The following ANKRD30B variants were observed in gnomAD, a reference collection of about 807,000 sequenced individuals.
ANKRD30B encodes ankyrin repeat domain 30B.
A neutral mutation model predicts 202.2 loss-of-function variants in ANKRD30B; 144 were observed. The ratio of observed to expected loss-of-function variants is 0.71; its 90% confidence interval spans 0.62 to 0.82. The LOEUF (loss-of-function observed/expected upper bound fraction) is 0.82, where lower values mean the gene tolerates loss of function less well. Ranked by LOEUF, ANKRD30B falls within the 40% of genes least tolerant of loss-of-function variation. The pLI, the probability that ANKRD30B is intolerant of heterozygous loss-of-function variation, is 0.00. For synonymous variants in ANKRD30B, 508 were observed against 561.3 expected, an observed-to-expected ratio of 0.91 and a Z score of 1.34; for missense variants, 1,487 against 1,669.1, an observed-to-expected ratio of 0.89 and a Z score of 1.90.
At chr18:14,841,989 G>A (rs1971437680) in intron 37 of ANKRD30B, among the ~76,000 whole-genome samples, 1 of 151,998 alleles carries the variant, frequency 6.6e-6, no homozygotes, top group African/African-American at 2.4e-5. Context: ...AATTGTTTTG[G>A]TAAAATTGTT....
intron 26 of ANKRD30B, among the ~76,000 whole-genome samples, 185 bp downstream of exon 26, chr18:14,808,929 A>T (rs1969732557): frequency 6.6e-6 from 1 of 150,710 alleles, no homozygotes; most frequent in African/African-American, 2.5e-5. Context: ...ATTTAGAGAT[A>T]AAAAAAATTC....
chr18:14,766,491 A>AG (rs1194673934), intron 7 of ANKRD30B, among the ~76,000 whole-genome samples: 22 of 148,406 alleles, frequency 1.5e-4, no homozygotes, highest in African/African-American at 3.7e-4. Context: ...AAAAAAAAAA[A>AG]AAAAAAGAAA....
chr18:14,776,859 T>TA (rs1967387296), intron 9 of ANKRD30B, among the ~76,000 whole-genome samples: 1 of 152,224 alleles, frequency 6.6e-6, no homozygotes. Flanking sequence ...CAAAAACTTG[T>TA]AAAAATCATT....
At chr18:14,855,677 G>C (rs1461844013), downstream of ANKRD30B, among the ~76,000 whole-genome samples, 7 of 148,066 alleles carry the variant, frequency 4.7e-5, no homozygotes, top group Admixed American at 4.0e-4. Context: ...ATGGGCGGCC[G>C]GGCAGAGGCA....
At chr18:14,826,496 C>G (rs1970663222) in intron 32 of ANKRD30B, among the ~76,000 whole-genome samples, 1 of 152,034 alleles carries the variant, frequency 6.6e-6, no homozygotes. Context: ...TAACTTTTTG[C>G]AACTAAAGCA....
At chr18:14,804,758 T>A (rs1245407789) in intron 24 of ANKRD30B, among the ~76,000 whole-genome samples, 1 of 150,946 alleles carries the variant, frequency 6.6e-6, no homozygotes, top group Non-Finnish European at 1.5e-5. Context: ...ATACTACTTC[T>A]ATACAAAGAA....
intron 32 of ANKRD30B, among the ~76,000 whole-genome samples, chr18:14,824,813 T>C (rs1970595733): frequency 6.6e-6 from 1 of 152,214 alleles, no homozygotes. Flanking sequence ...TGATGTGGTC[T>C]CTATCACAGC....
intron 34 of ANKRD30B, 29 bp from the exon 35 acceptor site, chr18:14,837,182 G>C: frequency 6.9e-7 from 1 of 1,441,000 alleles, no homozygotes; most frequent in East Asian, 2.5e-5. Context: ...TTTTTTTTGT[G>C]TTTGCTTTCT....
the ANKRD30B span, among the ~76,000 whole-genome samples, chr18:14,933,930 G>A: frequency 6.6e-6 from 1 of 152,154 alleles, no homozygotes; most frequent in African/African-American, 2.4e-5. Context: ...CAGACTCCAG[G>A]CTCTTTTCTA....
intron 39 of ANKRD30B, among the ~76,000 whole-genome samples, chr18:14,846,128 T>A (rs1387638692): frequency 1.3e-5 from 2 of 152,030 alleles, no homozygotes; most frequent in Non-Finnish European, 2.9e-5. Flanking sequence ...GAGAGTCTTC[T>A]AATGTAGACA....
At position 14,810,629 on chromosome 18, in the gene ANKRD30B, A is replaced by AGTGT. The variant is rs376271746; in HGVS notation, c.2488+463_2488+466dup. ...TCTTGTTTTTCTGATTAGGTGACTG[A>AGTGT]GTGTGTGTGTGTGTGTGACATATAA... On this transcript the variant is annotated intron_variant, in intron 28 of 43. Transcript: ENST00000690538. Among the ~76,000 whole-genome samples, 59 of 149,766 alleles carry AGTGT rather than the reference A, an allele frequency of 3.9e-4. 2 individuals carry two copies. Among genetic ancestry groups the AGTGT allele is most frequent in the African/African-American group, 1.4e-3 (58 of 40,490 alleles).
intron 7 of ANKRD30B, among the ~76,000 whole-genome samples, chr18:14,766,516 A>AAGAAAAGAAAAGAAAAGAAC (rs1916246923): frequency 6.6e-6 from 1 of 150,854 alleles, no homozygotes; most frequent in Admixed American, 6.6e-5. Context: ...AAGAAAAGAA[A>AAGAAAAGAAAAGAAAAGAAC]AGAAAATTGT....
At chr18:14,901,483 A>G in the ANKRD30B span, among the ~76,000 whole-genome samples, 1 of 152,024 alleles carries the variant, frequency 6.6e-6, no homozygotes, top group Non-Finnish European at 1.5e-5. Flanking sequence ...GACCAAAACA[A>G]TTTTTGTAAC....
the ANKRD30B span, among the ~76,000 whole-genome samples, chr18:14,870,966 C>T: frequency 3.3e-5 from 5 of 150,416 alleles, no homozygotes; most frequent in Non-Finnish European, 5.9e-5. Flanking sequence ...AACAGGCACT[C>T]ACACCCTAAC....
the ANKRD30B span, among the ~76,000 whole-genome samples, chr18:14,880,651 T>C: frequency 6.6e-6 from 1 of 150,578 alleles, no homozygotes; most frequent in Admixed American, 6.6e-5. Context: ...CTACAACTTC[T>C]GCCTACTGGG....
chr18:14,921,947 A>G, the ANKRD30B span, among the ~76,000 whole-genome samples: 2 of 152,356 alleles, frequency 1.3e-5, no homozygotes, highest in African/African-American at 4.8e-5. Context: ...ACCAAATTTA[A>G]CAACTATCTA....
chr18:14,834,483 G>A (rs1373924150), intron 34 of ANKRD30B, among the ~76,000 whole-genome samples: 1 of 151,916 alleles, frequency 6.6e-6, no homozygotes, highest in Admixed American at 6.5e-5. Flanking sequence ...ATGAGAGCAG[G>A]AACTCTCTAG....
chr18:14,752,684 A>G lies in ANKRD30B; in HGVS notation c.336+4A>G. The G allele has an allele frequency of 6.3e-7, 1 of 1,593,606 alleles. No individual in the cohort carries two copies. The highest frequency in any genetic ancestry group is 8.6e-7 in the Non-Finnish European group (1 of 1,167,990). On this transcript the variant is annotated splice_donor_region_variant and intron_variant, in intron 2 of 43. Transcript: ENST00000690538. Reference sequence around the variant, plus strand: ...AGGGAGGACACCTCTGATGAAGGTAAATAGTAGCCAGTTTTTTCAGCGGGA... The same window carrying G: ...AGGGAGGACACCTCTGATGAAGGTAGATAGTAGCCAGTTTTTTCAGCGGGA...
chr18:14,914,718 T>A, the ANKRD30B span, among the ~76,000 whole-genome samples: 1 of 152,310 alleles, frequency 6.6e-6, no homozygotes, highest in South Asian at 2.1e-4. Flanking sequence ...TCATTTATTT[T>A]AATTTGTTAG....
Sources: allele counts gnomAD v4.1 joint callset (sites outside exome capture counted in the v4.1 genomes callset), GRCh38; gene constraint gnomAD v4.1.1; transcripts MANE v1.5; gene names NCBI Gene and HGNC (gene_info 2026-07-23, HGNC 2026-07-21).